FHOD3: variants seen among roughly 807,000 people sequenced by gnomAD.
FHOD3 encodes FH1/FH2 domain-containing protein 3.
Under a neutral mutation model 173.0 loss-of-function variants are expected in FHOD3, and 90 were observed. That is an observed-to-expected ratio of 0.52 (90% CI 0.44 to 0.62). The LOEUF (loss-of-function observed/expected upper bound fraction) is 0.62. FHOD3 is among the 20% of genes least tolerant of loss of function. The pLI, the probability that FHOD3 is intolerant of heterozygous loss-of-function variation, is 0.00. For missense variants in FHOD3, 1,945 were observed against 2,034.7 expected, an observed-to-expected ratio of 0.96 and a Z score of 0.85; for synonymous variants, 828 against 823.0, an observed-to-expected ratio of 1.01 and a Z score of -0.10.
chr18:36,510,722 A>C (rs1185428387), intron 4 of FHOD3, among the ~76,000 whole-genome samples: 1 of 152,196 alleles, frequency 6.6e-6, no homozygotes, highest in Non-Finnish European at 1.5e-5. Flanking sequence ...AGAGAGAATT[A>C]TTTTTTATTT....
At chr18:36,372,781 T>C (rs2047257948) in intron 3 of FHOD3, 37 bp downstream of exon 3, 1 of 1,562,630 alleles carries the variant, frequency 6.4e-7, no homozygotes, top group African/African-American at 1.4e-5. Flanking sequence ...AAACATATGA[T>C]GAAAGACGCG....
intron 3 of FHOD3, among the ~76,000 whole-genome samples, chr18:36,437,682 T>TTTTTTA (rs71168224): frequency 0.015 from 1,911 of 129,600 alleles, 70 homozygotes; most frequent in African/African-American, 0.05. Flanking sequence ...TTTTTTTTTT[T>TTTTTTA]AAGACAGAGT....
At chr18:36,384,138 C>T (rs1296297551) in intron 3 of FHOD3, among the ~76,000 whole-genome samples, 1 of 152,066 alleles carries the variant, frequency 6.6e-6, no homozygotes, top group Non-Finnish European at 1.5e-5. Flanking sequence ...TGTGGTGGCT[C>T]ACACCTGTAA....
At chr18:36,512,099 G>A (rs528216688) in intron 4 of FHOD3, among the ~76,000 whole-genome samples, 9 of 152,360 alleles carry the variant, frequency 5.9e-5, no homozygotes, top group Non-Finnish European at 7.3e-5. Context: ...AAGCTTCTCC[G>A]TGGCCAGTCC....
chr18:36,516,955 T>C (rs1047131481), intron 5 of FHOD3, among the ~76,000 whole-genome samples: 2 of 151,998 alleles, frequency 1.3e-5, no homozygotes, highest in Admixed American at 1.3e-4. Flanking sequence ...AACTCTTTAT[T>C]TGTCTTTATT....
chr18:36,617,030 A>G (rs893457230), intron 9 of FHOD3, among the ~76,000 whole-genome samples: 1 of 152,176 alleles, frequency 6.6e-6, no homozygotes, highest in Admixed American at 6.5e-5. Context: ...TAGTTAGGAA[A>G]CATCTCTACT....
chr18:36,646,948 C>G (rs2035725782), intron 10 of FHOD3, among the ~76,000 whole-genome samples: 1 of 152,186 alleles, frequency 6.6e-6, no homozygotes. Flanking sequence ...ATTAAAAACA[C>G]TTCTTCGGCC....
At chr18:36,475,715 G>A (rs775289853) in intron 3 of FHOD3, among the ~76,000 whole-genome samples, 1 of 148,576 alleles carries the variant, frequency 6.7e-6, no homozygotes, top group African/African-American at 2.5e-5. Context: ...TATAGAGGTG[G>A]GATTACAGGA....
intron 20 of FHOD3, among the ~76,000 whole-genome samples, chr18:36,734,632 T>C (rs1055421798): frequency 6.6e-6 from 1 of 152,216 alleles, no homozygotes; most frequent in Non-Finnish European, 1.5e-5. Flanking sequence ...GAGGCAGAGA[T>C]GATCTAGATC....
At chr18:36,378,615 A>AAAG (rs71168220) in intron 3 of FHOD3, among the ~76,000 whole-genome samples, 1 of 143,618 alleles carries the variant, frequency 7.0e-6, no homozygotes, top group Non-Finnish European at 1.5e-5. Context: ...AAAAAAAAAA[A>AAAG]GAGAGATGGG....
intron 5 of FHOD3, among the ~76,000 whole-genome samples, chr18:36,567,643 T>G (rs2058312209): frequency 6.6e-6 from 1 of 152,230 alleles, no homozygotes; most frequent in Admixed American, 6.5e-5. Flanking sequence ...AGACTAGAAC[T>G]TAGAATATTG....
intron 3 of FHOD3, among the ~76,000 whole-genome samples, chr18:36,378,317 C>T (rs1192697613): frequency 2.0e-5 from 3 of 152,080 alleles, no homozygotes; most frequent in East Asian, 3.9e-4. Context: ...CTGTTTCTGC[C>T]TGTGGTTCTG....
chr18:36,361,862 C>T (rs1024394419), intron 2 of FHOD3, among the ~76,000 whole-genome samples: 14 of 151,966 alleles, frequency 9.2e-5, no homozygotes, highest in African/African-American at 2.9e-4. Flanking sequence ...CAGGGGTGGG[C>T]CCAGGCAGAG....
chr18:36,457,256 T>C (rs2049112639), intron 3 of FHOD3, among the ~76,000 whole-genome samples: 2 of 152,134 alleles, frequency 1.3e-5, no homozygotes, highest in African/African-American at 4.8e-5. Flanking sequence ...GAGGAGTGAC[T>C]TAATGCTGGA....
intron 1 of FHOD3, among the ~76,000 whole-genome samples, chr18:36,303,481 C>G (rs941477958): frequency 6.6e-6 from 1 of 152,146 alleles, no homozygotes; most frequent in African/African-American, 2.4e-5. Context: ...GTTTTGTCCT[C>G]GGACTCCAAC....
intron 19 of FHOD3, among the ~76,000 whole-genome samples, chr18:36,722,120 TA>T (rs2040825684): frequency 6.6e-6 from 1 of 152,234 alleles, no homozygotes; most frequent in Admixed American, 6.5e-5. Flanking sequence ...GGTATTTTAA[TA>T]AGATGAATCA....
At chr18:36,399,621 C>T (rs536654449) in intron 3 of FHOD3, among the ~76,000 whole-genome samples, 39 of 152,310 alleles carry the variant, frequency 2.6e-4, no homozygotes, top group African/African-American at 8.2e-4. Flanking sequence ...TCAGGGCATG[C>T]ACCTTGCTGG....
intron 5 of FHOD3, among the ~76,000 whole-genome samples, chr18:36,514,736 AT>A (rs758755911): frequency 1.3e-5 from 2 of 152,180 alleles, no homozygotes; most frequent in African/African-American, 2.4e-5. Flanking sequence ...ACATTTGTGT[AT>A]TTCTATTGCA....
intron 3 of FHOD3, among the ~76,000 whole-genome samples, chr18:36,482,618 G>A (rs1430421688): frequency 1.3e-5 from 2 of 152,112 alleles, no homozygotes; most frequent in Non-Finnish European, 2.9e-5. Flanking sequence ...CAGACCCCGT[G>A]GTTCCTCTGC....
Sources: gnomAD v4.1 joint callset for allele counts (sites outside exome capture counted in the v4.1 genomes callset) on GRCh38, gnomAD v4.1.1 for gene constraint, MANE v1.5 for transcripts, NCBI Gene and HGNC (gene_info 2026-07-23, HGNC 2026-07-21) for gene names.